PAM: variants seen among roughly 807,000 people sequenced by gnomAD.
PAM encodes peptidylglycine alpha-amidating monooxygenase, also known as peptidyl-glycine alpha-amidating monooxygenase.
Under a neutral mutation model 122.1 loss-of-function variants are expected in PAM, and 72 were observed. The ratio of observed to expected loss-of-function variants is 0.59; its 90% CI spans 0.49 to 0.72. PAM has a LOEUF of 0.72. Ranked by LOEUF, PAM falls within the 30% of genes least tolerant of loss-of-function variation. The pLI, the probability that PAM is intolerant of heterozygous loss-of-function variation, is 0.00. For missense variants in PAM, 1,106 were observed against 1,183.7 expected, an observed-to-expected ratio of 0.93 and a Z score of 0.96; for synonymous variants, 389 against 404.4, an observed-to-expected ratio of 0.96 and a Z score of 0.46.
At chr5:102,925,525 A>T (rs1309261475) in intron 6 of PAM, among the ~76,000 whole-genome samples, 4 of 152,108 alleles carry the variant, frequency 2.6e-5, no homozygotes, top group Non-Finnish European at 5.9e-5. Flanking sequence ...TATTACCTGG[A>T]TATTTCTTAA....
intron 1 of PAM, among the ~76,000 whole-genome samples, chr5:102,793,396 T>G (rs1308913682): frequency 6.6e-6 from 1 of 150,552 alleles, no homozygotes; most frequent in African/African-American, 2.4e-5. Flanking sequence ...CTGAGCATGG[T>G]GGCACACACC....
At chr5:102,949,008 G>T (rs1230962092) in intron 9 of PAM, among the ~76,000 whole-genome samples, 2 of 151,840 alleles carry the variant, frequency 1.3e-5, no homozygotes, top group Non-Finnish European at 2.9e-5. Flanking sequence ...ATTTGTTTTC[G>T]CTGGGAATCT....
intron 16 of PAM, among the ~76,000 whole-genome samples, chr5:102,995,916 G>A (rs966787157): frequency 5.9e-5 from 9 of 151,482 alleles, no homozygotes; most frequent in African/African-American, 2.2e-4. Context: ...TAACATTGAG[G>A]TTACATTTTC....
At chr5:102,853,999 C>T (rs970995745) in intron 1 of PAM, among the ~76,000 whole-genome samples, 1 of 152,212 alleles carries the variant, frequency 6.6e-6, no homozygotes, top group African/African-American at 2.4e-5. Context: ...ACCAGAAGTA[C>T]AGCCTCTATC....
rs760984876 is a variant in PAM at position 102,890,420 on chromosome 5, ATTC to A, written c.211-10931_211-10929del. ...TAATTAGAAGTTACGTATGATAAGT[ATTC>A]TTCTCATTCCTTCTGAATTTGTCAG... On this transcript the variant is annotated intron_variant, in intron 3 of 25. Transcript: ENST00000438793. Among the ~76,000 whole-genome samples, 13 of 152,048 alleles carry A rather than the reference ATTC, an allele frequency of 8.5e-5. No homozygotes were observed. In the South Asian group the frequency reaches 2.3e-3, roughly 27 times the overall value.
intron 3 of PAM, among the ~76,000 whole-genome samples, chr5:102,881,125 T>TACACACACAC (rs1224315361): frequency 1.4e-5 from 1 of 69,058 alleles, no homozygotes; most frequent in African/African-American, 9.7e-5. Context: ...ATAATTTTTA[T>TACACACACAC]ACATACACAC....
chr5:102,788,370 T>A (rs1482677421), intron 1 of PAM, among the ~76,000 whole-genome samples: 1 of 152,144 alleles, frequency 6.6e-6, no homozygotes, highest in Admixed American at 6.6e-5. Flanking sequence ...AGAAAGACTT[T>A]AATAGCTTTG....
chr5:102,765,141 G>A (rs978936704), intron 1 of PAM, among the ~76,000 whole-genome samples: 4 of 152,036 alleles, frequency 2.6e-5, no homozygotes, highest in African/African-American at 9.7e-5. Flanking sequence ...GTCCTTCCTT[G>A]AGTCACTTGA....
At chr5:102,759,622 TG>T (rs1751726443) in intron 1 of PAM, among the ~76,000 whole-genome samples, 1 of 152,134 alleles carries the variant, frequency 6.6e-6, no homozygotes, top group Non-Finnish European at 1.5e-5. Context: ...AACTATTCTG[TG>T]GGCCAAACCA....
chr5:103,009,512 A>G (rs911992054), intron 20 of PAM, among the ~76,000 whole-genome samples: 4 of 152,138 alleles, frequency 2.6e-5, no homozygotes, highest in Non-Finnish European at 5.9e-5. Context: ...TGGTTTTCCA[A>G]GTGGACCACA....
intron 7 of PAM, among the ~76,000 whole-genome samples, chr5:102,932,638 A>T (rs1006705593): frequency 2.7e-5 from 4 of 149,176 alleles, no homozygotes; most frequent in African/African-American, 7.3e-5. Context: ...ACTCCATCTC[A>T]AAATAAATAA....
At chr5:102,880,428 G>C (rs1278102462) in intron 3 of PAM, among the ~76,000 whole-genome samples, 1 of 151,962 alleles carries the variant, frequency 6.6e-6, no homozygotes, top group African/African-American at 2.4e-5. Flanking sequence ...TACATAGCAG[G>C]ATATTAACAA....
chr5:102,892,698 A>G (rs578245845), intron 3 of PAM, among the ~76,000 whole-genome samples: 5 of 151,980 alleles, frequency 3.3e-5, no homozygotes, highest in African/African-American at 1.2e-4. Context: ...AGCATCTTTC[A>G]AGTTGAAAAT....
intron 16 of PAM, among the ~76,000 whole-genome samples, chr5:103,001,598 A>G (rs1777412047): frequency 1.3e-5 from 2 of 152,176 alleles, no homozygotes; most frequent in South Asian, 4.1e-4. Context: ...AATAAGAACT[A>G]CTTCAGGGAC....
chr5:102,950,196 C>T (rs1446623764), intron 11 of PAM, among the ~76,000 whole-genome samples: 1 of 152,124 alleles, frequency 6.6e-6, no homozygotes, highest in Non-Finnish European at 1.5e-5. Flanking sequence ...TGGCCTTTCA[C>T]ATCCCATCAT....
At chr5:102,960,541 CT>C (rs957722349) in intron 13 of PAM, among the ~76,000 whole-genome samples, 2 of 152,064 alleles carry the variant, frequency 1.3e-5, no homozygotes, top group African/African-American at 4.8e-5. Context: ...CTAGTCTTGA[CT>C]TTTTTTATCT....
chr5:102,774,111 G>C (rs1378091502), intron 1 of PAM, among the ~76,000 whole-genome samples: 2 of 152,008 alleles, frequency 1.3e-5, no homozygotes, highest in African/African-American at 4.8e-5. Context: ...TATCCAGTCT[G>C]ATTGATGAAC....
At chr5:102,758,068 A>ATTTT (rs1751039527) in intron 1 of PAM, among the ~76,000 whole-genome samples, 17 of 87,628 alleles carry the variant, frequency 1.9e-4, no homozygotes, top group Middle Eastern at 6.8e-3. Flanking sequence ...AAGACTTAGA[A>ATTTT]TTTTGTTTTT....
chr5:102,755,570 C>T (rs1346814838), intron 1 of PAM: 1 of 152,276 alleles, frequency 6.6e-6, no homozygotes, highest in Non-Finnish European at 1.5e-5. Flanking sequence ...GAGCTATTCT[C>T]GCATTTCCCA....
Sources: allele counts gnomAD v4.1 joint callset (sites outside exome capture counted in the v4.1 genomes callset), GRCh38; gene constraint gnomAD v4.1.1; transcripts MANE v1.5; gene names NCBI Gene and HGNC (gene_info 2026-07-23, HGNC 2026-07-21).